The following DCAF12 variants were observed in gnomAD, a reference collection of about 807,000 sequenced individuals.
DCAF12 encodes the protein DDB1 and CUL4 associated factor 12.
Under a neutral mutation model 52.8 loss-of-function variants are expected in DCAF12, and 28 were observed. The observed-to-expected ratio is 0.53, with a 90% CI of 0.39 to 0.73. DCAF12 has a LOEUF of 0.73. Among genes scored for constraint, DCAF12 ranks in the 30% least tolerant of loss-of-function variants. DCAF12 has a pLI of 0.00. For synonymous variants in DCAF12, 196 were observed against 215.5 expected, an observed-to-expected ratio of 0.91 and a Z score of 0.79; for missense variants, 425 against 552.2, an observed-to-expected ratio of 0.77 and a Z score of 2.31.
rs1402266875 is a variant in DCAF12, at chr9:34,125,242, T to C, written c.114A>G (p.Arg38=). Residue 38 remains arginine, a synonymous_variant, in exon 2 of 9, where the codon AGA becomes AGG. Coordinates refer to ENST00000361264, the MANE Select transcript of DCAF12 (RefSeq NM_015397.4). ...CTAAGGATCTCTTCACAGGAGGAAGTCTTTTCCTTTTGTGAAGCGAGTGAT... is the reference window on the plus strand; with the variant it reads ...CTAAGGATCTCTTCACAGGAGGAAGCCTTTTCCTTTTGTGAAGCGAGTGAT... ...GWDHSLHKRK[R]LPPVKRSLVY... 1.2e-6 allele frequency: 2 copies of C among 1,614,126 alleles called. No homozygotes were observed. Among genetic ancestry groups the C allele is most frequent in the South Asian group, 1.1e-5 (1 of 91,074 alleles).
intron 4 of DCAF12, 50 bp downstream of exon 4, chr9:34,106,384 G>GC: frequency 6.8e-7 from 1 of 1,477,806 alleles, no homozygotes; most frequent in Non-Finnish European, 9.4e-7. Context: ...TCAATCTCTA[G>GC]CCCCCAATCC....
Position 34,107,368 on chromosome 9 carries a change from A to G in DCAF12, c.531T>C (p.Cys177=). The G allele has an allele frequency of 6.2e-7, 1 of 1,613,986 alleles. No individual in the cohort carries two copies. ...TACTGGGAAAACTTACATCTCCTACACACACAGGATCCAGCGTAGGTAGTC... is the reference window on the plus strand; with the variant it reads ...TACTGGGAAAACTTACATCTCCTACGCACACAGGATCCAGCGTAGGTAGTC... The part of the protein sequence containing the change: ...IYRLPTLDPV[C]VGDDGHKDWI... The change falls in exon 3 of 9, where the codon TGT becomes TGC. Residue 177 remains cysteine, a synonymous_variant. Coordinates refer to ENST00000361264, the MANE Select transcript of DCAF12 (RefSeq NM_015397.4).
At position 34,125,135 on chromosome 9, in the gene DCAF12, T is replaced by A. The variant is rs752934564; in HGVS notation, c.221A>T (p.Gln74Leu). ...TCTCTCCTTCAGGAGACTGGGAAGT[T>A]GCTGTGCTGCATAACCATGCAACAC... is the stretch of plus-strand genomic sequence containing the variant. Reference protein sequence around the residue: ...SRVLHGYAAQQLPSLLKEREF... With the variant: ...SRVLHGYAAQLLPSLLKEREF... Residue 74 changes from glutamine (Q) to leucine (L), a missense_variant, in exon 2 of 9, where the codon CAA becomes CTA. This residue lies in a region of DCAF12 where 328 missense variants were observed against 444.4 expected (regional missense o/e 0.74). Transcript: ENST00000361264. 1.2e-6 allele frequency: 2 copies of A among 1,614,062 alleles called. No homozygotes were observed. The highest frequency in any genetic ancestry group is 2.2e-5 in the South Asian group (2 of 91,078).
rs1451578303 is a variant in DCAF12, at chr9:34,126,494, C to T, written c.-63G>A. On this transcript the variant is annotated 5_prime_UTR_variant, in exon 1 of 9. Transcript: ENST00000361264. ...GCGGGGGAAGCGAAGGATAGCAGGA[C>T]GGCGGGTCATATACTGGGCCCCGGG... 4.5e-6 allele frequency: 7 copies of T among 1,560,776 alleles called. No homozygotes were observed. The East Asian group carries it at 6.9e-5, about 15-fold the overall frequency.
At chr9:34,107,267 A>G (rs1828917902) in intron 3 of DCAF12, 92 bp downstream of exon 3, 3 of 1,280,806 alleles carry the variant, frequency 2.3e-6, no homozygotes, top group Non-Finnish European at 1.1e-6. Context: ...TCCAGTCCCC[A>G]CTCTGGGCTG....
At chr9:34,094,192 G>A (rs1828697307) in intron 6 of DCAF12, among the ~76,000 whole-genome samples, 1 of 152,072 alleles carries the variant, frequency 6.6e-6, no homozygotes, top group South Asian at 2.1e-4. Context: ...ATCACCTGAG[G>A]TCAGGAGTTT....
intron 2 of DCAF12, among the ~76,000 whole-genome samples, chr9:34,121,000 G>A (rs962445341): frequency 4.6e-5 from 7 of 151,742 alleles, no homozygotes; most frequent in Admixed American, 2.6e-4. Flanking sequence ...CTAAAAATAC[G>A]AAAATTAGCT....
rs769348359 is a variant in DCAF12 at position 34,098,396 on chromosome 9, C to T, written c.723G>A (p.Lys241=). ...GGTTTGTGTCTTCTTTGGGGATGTC[C>T]TTTAAGGCCTTGTGAGTGATGTGTG... The part of the protein sequence containing the change: ...VYAHITHKAL[K]DIPKEDTNPD... Residue 241 remains lysine (K), a synonymous_variant, in exon 5 of 9, where the codon AAG becomes AAA. Transcript: ENST00000361264. The T allele has an allele frequency of 6.2e-7, 1 of 1,614,110 alleles. No homozygotes were observed. The highest frequency in any genetic ancestry group is 8.5e-7 in the Non-Finnish European group (1 of 1,180,042).
chr9:34,106,540 T>G, intron 3 of DCAF12, 46 bp from the exon 4 acceptor site: 1 of 1,479,958 alleles, frequency 6.8e-7, no homozygotes, highest in Non-Finnish European at 9.4e-7. Flanking sequence ...AATAAGAAAT[T>G]AGTAAAATAA....
Position 34,088,411 on chromosome 9 carries a change from A to G in DCAF12, c.1301T>C (p.Phe434Ser). 1 of 1,613,920 alleles carries G rather than the reference A, an allele frequency of 6.2e-7. No individual in the cohort carries two copies. The highest frequency in any genetic ancestry group is 1.1e-5 in the South Asian group (1 of 91,054). The change falls in exon 9 of 9, where the codon TTT (phenylalanine) becomes TCT (serine). Residue 434 changes from phenylalanine (F) to serine (S), a missense_variant. By Grantham distance (155) the Phe-to-Ser change is radical (BLOSUM62 -2). Around this residue, in one of 3 missense-constraint regions of DCAF12, gnomAD observed 328 missense variants for 444.4 expected, o/e 0.74. Coordinates refer to ENST00000361264, the MANE Select transcript of DCAF12 (RefSeq NM_015397.4). ...TGAAGGGAGGGGACCTCCTGCCACA[A>G]AGAGTTTCGTTCCAGACGAGTCGTA... ...HCYDSSGTKL[F>S]VAGGPLPSGL...
chr9:34,124,349 G>A (rs1829216344), intron 2 of DCAF12, among the ~76,000 whole-genome samples: 1 of 152,092 alleles, frequency 6.6e-6, no homozygotes, highest in Admixed American at 6.5e-5. Flanking sequence ...TATTCCAAAC[G>A]TTTCTGCTCT....
At position 34,086,504 on chromosome 9, in the gene DCAF12, G is replaced by A. The variant is rs933351341; in HGVS notation, c.*1846C>T. ...CATTACAGAAGAGGGTCTAGCAATA[G>A]TACAAAACATCCTACTGAAGATTTT... On this transcript the variant is annotated 3_prime_UTR_variant, in exon 9 of 9. Transcript: ENST00000361264. 4 of 151,902 alleles carry A rather than the reference G, an allele frequency of 2.6e-5. No individual in the cohort carries two copies. The highest frequency in any genetic ancestry group is 9.7e-5 in the African/African-American group (4 of 41,340). 9.4% of individuals were successfully genotyped at this position (151,902 alleles called of 1,614,324 possible).
chr9:34,108,078 T>C (rs1044032703), intron 2 of DCAF12, among the ~76,000 whole-genome samples: 1 of 152,200 alleles, frequency 6.6e-6, no homozygotes, highest in African/African-American at 2.4e-5. Flanking sequence ...CTGTTCTCTA[T>C]ACACACACAT....
chr9:34,116,433 G>T (rs940691965), intron 2 of DCAF12, among the ~76,000 whole-genome samples: 1 of 151,830 alleles, frequency 6.6e-6, no homozygotes, highest in Non-Finnish European at 1.5e-5. Context: ...CACTTTGGGC[G>T]GTCAAGGCAG....
intron 2 of DCAF12, among the ~76,000 whole-genome samples, chr9:34,113,600 A>G (rs915092548): frequency 8.5e-5 from 13 of 152,206 alleles, no homozygotes; most frequent in African/African-American, 3.1e-4. Flanking sequence ...TCAGCCTCCC[A>G]AAGTGCTGGG....
At chr9:34,107,238 C>T in intron 3 of DCAF12, 121 bp downstream of exon 3, 2 of 935,494 alleles carry the variant, frequency 2.1e-6, no homozygotes, top group South Asian at 2.9e-5. Flanking sequence ...ATCAAATATA[C>T]ACTGTGCCCT....
At chr9:34,096,834 C>A (rs1247873476) in intron 5 of DCAF12, 53 bp from the exon 6 acceptor site, 19 of 1,525,114 alleles carry the variant, frequency 1.2e-5, no homozygotes, top group Non-Finnish European at 1.6e-5. Context: ...AACTAATGTA[C>A]GATAATAAGC....
At chr9:34,093,042 T>C (rs1828670777) in intron 7 of DCAF12, among the ~76,000 whole-genome samples, 4 of 152,180 alleles carry the variant, frequency 2.6e-5, no homozygotes, top group African/African-American at 7.2e-5. Flanking sequence ...ACGGGGTTTC[T>C]CCATATTTAT....
chr9:34,107,288 G>T, intron 3 of DCAF12, 71 bp downstream of exon 3: 2 of 1,441,712 alleles, frequency 1.4e-6, no homozygotes, highest in Non-Finnish European at 1.9e-6. Flanking sequence ...ATGAGAGGAG[G>T]GTCCATGTTA....
Sources: gnomAD v4.1 joint callset for allele counts (sites outside exome capture counted in the v4.1 genomes callset) on GRCh38, gnomAD v4.1.1 for gene constraint, gnomAD v4.1.1 regional missense constraint, MANE v1.5 for transcripts, NCBI Gene and HGNC (gene_info 2026-07-23, HGNC 2026-07-21) for gene names.